The following GALNT14 variants were observed in gnomAD, a reference collection of about 807,000 sequenced individuals.
The protein encoded by GALNT14 is UDP-GalNAc:polypeptide N-acetylgalactosaminyltransferase 14.
In GALNT14, 60 loss-of-function variants were observed where a neutral mutation model predicts 77.5. The observed-to-expected ratio is 0.77, with a 90% CI of 0.63 to 0.96. The LOEUF (loss-of-function observed/expected upper bound fraction) is 0.96. Among genes scored for constraint, GALNT14 ranks in the 40% least tolerant of loss-of-function variants. GALNT14 has a pLI of 0.00. For synonymous variants in GALNT14, 280 were observed against 281.7 expected (o/e 0.99, Z 0.06); for missense variants, 710 against 731.0 (o/e 0.97, Z 0.33).
chr2:30,932,274 G>A (rs1177863247), intron 9 of GALNT14, 80 bp from the exon 10 acceptor site: 32 of 1,320,600 alleles, frequency 2.4e-5, no homozygotes, highest in Non-Finnish European at 3.2e-5. Context: ...ATGAAACGGT[G>A]AGGCCCCCGC....
chr2:30,928,388 G>A (rs529260698), intron 11 of GALNT14, among the ~76,000 whole-genome samples: 26 of 152,248 alleles, frequency 1.7e-4, no homozygotes, highest in Middle Eastern at 3.4e-3. Context: ...ATCAGCCCTG[G>A]GTTGGGGAAT....
intron 1 of GALNT14, among the ~76,000 whole-genome samples, chr2:31,109,052 A>T (rs1452589670): frequency 6.6e-6 from 1 of 152,126 alleles, no homozygotes. Context: ...ATTCTGGTTA[A>T]CCTCTTGCTC....
intron 1 of GALNT14, among the ~76,000 whole-genome samples, chr2:31,094,390 A>G (rs1676902103): frequency 6.6e-6 from 1 of 152,220 alleles, no homozygotes; most frequent in South Asian, 2.1e-4. Flanking sequence ...CACCCAGGTG[A>G]TTAAAAAGCT....
At chr2:31,128,607 C>A (rs1320644701) in intron 1 of GALNT14, among the ~76,000 whole-genome samples, 1 of 152,178 alleles carries the variant, frequency 6.6e-6, no homozygotes, top group Non-Finnish European at 1.5e-5. Context: ...AACAGCACAG[C>A]CTCCTGTCCT....
At chr2:31,045,288 A>T (rs1394313476) in intron 1 of GALNT14, among the ~76,000 whole-genome samples, 1 of 152,182 alleles carries the variant, frequency 6.6e-6, no homozygotes, top group Non-Finnish European at 1.5e-5. Context: ...TGCCAAGCTG[A>T]GCTCAGATGT....
chr2:30,910,796 C>G lies in GALNT14; in HGVS notation c.*105G>C. 2 of 1,276,454 alleles carry G rather than the reference C, an allele frequency of 1.6e-6. No homozygotes were observed. The highest frequency in any genetic ancestry group is 2.2e-6 in the Non-Finnish European group (2 of 918,934). 79.1% of individuals were successfully genotyped at this position (1,276,454 alleles called of 1,614,324 possible). A position where few individuals can be genotyped will look rare whatever the true frequency, so the allele number is the denominator to read the frequency against. ...GGGGGCTCTGCCTCCACCTCCCAGTCCAGGATGTCTGAGGTGGTTGCAGGC... is the reference window on the plus strand; with the variant it reads ...GGGGGCTCTGCCTCCACCTCCCAGTGCAGGATGTCTGAGGTGGTTGCAGGC... On this transcript the variant is annotated 3_prime_UTR_variant, in exon 15 of 15. Transcript: ENST00000349752.
intron 1 of GALNT14, among the ~76,000 whole-genome samples, chr2:31,054,475 T>C (rs1431409707): frequency 1.3e-5 from 2 of 152,226 alleles, no homozygotes; most frequent in African/African-American, 4.8e-5. Context: ...TTCTTGTTTG[T>C]TCATCTGTCC....
chr2:31,097,142 T>C (rs558588747), intron 1 of GALNT14, among the ~76,000 whole-genome samples: 1 of 152,226 alleles, frequency 6.6e-6, no homozygotes, highest in Non-Finnish European at 1.5e-5. Context: ...CTAGATACAG[T>C]GATGGAATCT....
chr2:31,034,494 C>T (rs1019401513), intron 1 of GALNT14, among the ~76,000 whole-genome samples: 4 of 152,206 alleles, frequency 2.6e-5, no homozygotes, highest in African/African-American at 9.6e-5. Context: ...CTTTACCTGA[C>T]TAGACCCTCT....
chr2:30,992,824 G>C lies in GALNT14; in HGVS notation c.299+14C>G. On this transcript the variant is annotated intron_variant, in intron 2 of 14. Transcript: ENST00000349752. ...TGACTGCGGGGGTAACAGAGTGGGA[G>C]AAGGAGGAAGTACCTCAGATGGCGA... The C allele has an allele frequency of 6.2e-7, 1 of 1,611,448 alleles. No individual in the cohort carries two copies. Among genetic ancestry groups the C allele is most frequent in the Non-Finnish European group, 8.5e-7 (1 of 1,177,834 alleles).
intron 1 of GALNT14, among the ~76,000 whole-genome samples, chr2:31,021,216 T>G (rs1480449262): frequency 6.6e-6 from 1 of 152,172 alleles, no homozygotes; most frequent in Non-Finnish European, 1.5e-5. Flanking sequence ...GGGAGCAAGG[T>G]AGAAGGCAAC....
intron 13 of GALNT14, among the ~76,000 whole-genome samples, chr2:30,920,284 A>G (rs1664951234): frequency 6.6e-6 from 1 of 152,168 alleles, no homozygotes; most frequent in African/African-American, 2.4e-5. Context: ...TATCTGTACG[A>G]TGGGATAATA....
At position 30,975,884 on chromosome 2, in the gene GALNT14, A is replaced by G. The variant is rs1234059482; in HGVS notation, c.300-9582T>C. On this transcript the variant is annotated intron_variant, in intron 2 of 14. Coordinates refer to ENST00000349752, the MANE Select transcript of GALNT14 (RefSeq NM_024572.4). ...CATCATCATCATTTCAAAAAGAAAG[A>G]GTATTTAAACACCAGAAAAGGCCAC... Among the ~76,000 whole-genome samples, 4 of 152,338 alleles carry G rather than the reference A, an allele frequency of 2.6e-5. No homozygotes were observed. In the South Asian group the frequency reaches 6.2e-4, roughly 24 times the overall value.
At chr2:30,982,087 G>T (rs1002730131) in intron 2 of GALNT14, among the ~76,000 whole-genome samples, 1 of 152,192 alleles carries the variant, frequency 6.6e-6, no homozygotes, top group Non-Finnish European at 1.5e-5. Context: ...CAAAACGCTT[G>T]CTCGGGTATG....
At chr2:30,971,172 A>C (rs1255065669) in intron 2 of GALNT14, among the ~76,000 whole-genome samples, 2 of 152,208 alleles carry the variant, frequency 1.3e-5, no homozygotes, top group Non-Finnish European at 2.9e-5. Context: ...GAGTCGGCCC[A>C]GACAGTAGGG....
intron 6 of GALNT14, among the ~76,000 whole-genome samples, chr2:30,954,649 A>G (rs1667247530): frequency 6.6e-6 from 1 of 152,226 alleles, no homozygotes; most frequent in East Asian, 1.9e-4. Context: ...TTCTGAGCAG[A>G]CGACATAGCT....
At chr2:30,913,087 T>C (rs1170148638) in intron 13 of GALNT14, among the ~76,000 whole-genome samples, 1 of 152,130 alleles carries the variant, frequency 6.6e-6, no homozygotes, top group Non-Finnish European at 1.5e-5. Context: ...GAGGAATGAT[T>C]CCAACATTTT....
At position 30,955,719 on chromosome 2, in the gene GALNT14, G is replaced by A. The variant is rs148126284; in HGVS notation, c.553C>T (p.Arg185Trp). The A allele has an allele frequency of 4.3e-5, 70 of 1,614,034 alleles. No homozygotes were observed. Among genetic ancestry groups the A allele is most frequent in the African/African-American group, 4.1e-4 (31 of 74,932 alleles). ...ERQGLVRSRI[R>W]GADIAQGTTL... is the part of the protein sequence containing the mutation. ...GTGCCCTGGGCGATGTCAGCGCCCC[G>A]AATCCGGGACCGGACCAGACCTGCA... The change falls in exon 6 of 15, where the codon CGG becomes TGG. Residue 185 changes from arginine to tryptophan, a missense_variant. Transcript: ENST00000349752.
intron 2 of GALNT14, among the ~76,000 whole-genome samples, chr2:30,970,751 C>A (rs1668299684): frequency 6.6e-6 from 1 of 152,048 alleles, no homozygotes; most frequent in South Asian, 2.1e-4. Flanking sequence ...CAGCACAGGC[C>A]CAGGGAGGGC....
Sources: gnomAD v4.1 joint callset for allele counts (sites outside exome capture counted in the v4.1 genomes callset) on GRCh38, gnomAD v4.1.1 for gene constraint, MANE v1.5 for transcripts, NCBI Gene and HGNC (gene_info 2026-07-23, HGNC 2026-07-21) for gene names.